The following PLXDC2 variants were observed in gnomAD, a reference collection of about 807,000 sequenced individuals.
PLXDC2 encodes the protein plexin domain containing 2, also known as plexin domain-containing protein 2.
Under a neutral mutation model 68.9 loss-of-function variants are expected in PLXDC2, and 40 were observed. That is an observed-to-expected ratio of 0.58 (90% CI 0.45 to 0.76). PLXDC2 has a LOEUF of 0.76. Among genes scored for constraint, PLXDC2 ranks in the 30% least tolerant of loss-of-function variants. The pLI is 0.00. For synonymous variants in PLXDC2, 243 were observed against 234.2 expected (o/e 1.04, Z -0.34); for missense variants, 644 against 661.9 (o/e 0.97, Z 0.30).
At chr10:19,843,009 T>A (rs1004786834) in intron 1 of PLXDC2, among the ~76,000 whole-genome samples, 1 of 152,186 alleles carries the variant, frequency 6.6e-6, no homozygotes, top group African/African-American at 2.4e-5. Flanking sequence ...AATATATTTT[T>A]ATCCTTTATT....
chr10:19,859,233 C>A (rs1837273732), intron 1 of PLXDC2, among the ~76,000 whole-genome samples: 2 of 151,652 alleles, frequency 1.3e-5, no homozygotes, highest in South Asian at 4.2e-4. Flanking sequence ...CCATGAGATT[C>A]CACAGGGCAA....
chr10:20,200,590 G>GA (rs1834903973), intron 9 of PLXDC2, among the ~76,000 whole-genome samples: 1 of 151,962 alleles, frequency 6.6e-6, no homozygotes, highest in Non-Finnish European at 1.5e-5. Flanking sequence ...AGCAAAGTGA[G>GA]AAAACCTACA....
At chr10:20,087,906 G>A (rs1336636065) in intron 4 of PLXDC2, among the ~76,000 whole-genome samples, 1 of 152,012 alleles carries the variant, frequency 6.6e-6, no homozygotes, top group African/African-American at 2.4e-5. Context: ...TTAATCAAGG[G>A]CACAAAGGAC....
At chr10:19,930,131 T>G (rs1833601448) in intron 1 of PLXDC2, among the ~76,000 whole-genome samples, 2 of 152,172 alleles carry the variant, frequency 1.3e-5, no homozygotes, top group Non-Finnish European at 2.9e-5. Context: ...CCAAATTCCC[T>G]TAATGTCATT....
At chr10:19,882,649 A>G (rs1023943264) in intron 1 of PLXDC2, among the ~76,000 whole-genome samples, 3 of 152,210 alleles carry the variant, frequency 2.0e-5, no homozygotes, top group African/African-American at 7.2e-5. Flanking sequence ...TCGAGGGACA[A>G]ATGTTAAGTT....
intron 1 of PLXDC2, among the ~76,000 whole-genome samples, chr10:19,958,617 C>T (rs1834107655): frequency 1.3e-5 from 2 of 152,092 alleles, no homozygotes; most frequent in South Asian, 2.1e-4. Context: ...AGAATTAATA[C>T]CTCAGAGGTT....
rs77186203 is a variant in PLXDC2 at position 20,218,967 on chromosome 10, C to T, written c.1274-97C>T. On this transcript the variant is annotated intron_variant, in intron 11 of 13. Transcript: ENST00000377252. ...AAATTATCAAAATCTAGTCATGTTC[C>T]GACCAAGGCAGTTAGTAGACAATTA... The T allele has an allele frequency of 1.6e-3, 2,190 of 1,330,568 alleles. 42 individuals carry two copies. The African/African-American group carries it at 0.028, about 17-fold the overall frequency. 82.4% of individuals were successfully genotyped at this position (1,330,568 alleles called of 1,614,324 possible).
intron 1 of PLXDC2, among the ~76,000 whole-genome samples, chr10:19,820,251 T>G (rs371690342): frequency 6.6e-6 from 1 of 152,350 alleles, no homozygotes; most frequent in African/African-American, 2.4e-5. Context: ...AGAATGTATT[T>G]GAATAAAACT....
intron 4 of PLXDC2, among the ~76,000 whole-genome samples, chr10:20,096,460 GA>G (rs549596980): frequency 4.9e-4 from 74 of 152,110 alleles, no homozygotes; most frequent in African/African-American, 1.8e-3. Context: ...GTAGGATGGT[GA>G]TAAAAAGTAA....
At chr10:20,212,321 C>T (rs1295491571) in intron 10 of PLXDC2, among the ~76,000 whole-genome samples, 1 of 152,044 alleles carries the variant, frequency 6.6e-6, no homozygotes, top group Non-Finnish European at 1.5e-5. Context: ...AATTGTATAA[C>T]ATTAGTTGGC....
intron 1 of PLXDC2, among the ~76,000 whole-genome samples, chr10:19,856,200 T>C (rs1359171753): frequency 6.6e-6 from 1 of 152,228 alleles, no homozygotes; most frequent in Admixed American, 6.5e-5. Flanking sequence ...TATTTACTAA[T>C]AGTGTAGAAT....
chr10:20,082,055 AAAAAAAATC>A (rs1252679341), intron 4 of PLXDC2, among the ~76,000 whole-genome samples: 2 of 142,124 alleles, frequency 1.4e-5, no homozygotes, highest in African/African-American at 5.3e-5. Context: ...GAAAAAAAAA[AAAAAAAATC>A]AAAAAAAAAA....
Position 19,817,152 on chromosome 10 carries a change from T to C in PLXDC2, c.73T>C (p.Phe25Leu), listed in dbSNP as rs750660465. 1 of 1,576,060 alleles carries C rather than the reference T, an allele frequency of 6.3e-7. No homozygotes were observed. The highest frequency in any genetic ancestry group is 2.3e-5 in the East Asian group (1 of 42,944). Reference sequence around the variant, plus strand: ...ACTTTGCCACTTCTTCACGGACCAGTTTCAGTTCGCCGATGGGAAACCCGG... The same window carrying C: ...ACTTTGCCACTTCTTCACGGACCAGCTTCAGTTCGCCGATGGGAAACCCGG... ...MLLCHFFTDQ[F>L]QFADGKPGDQ... Residue 25 changes from phenylalanine (F) to leucine (L), a missense_variant, in exon 1 of 14, where the codon TTT becomes CTT. Coordinates refer to ENST00000377252, the MANE Select transcript of PLXDC2 (RefSeq NM_032812.9).
chr10:20,084,864 G>A (rs1426269120), intron 4 of PLXDC2, among the ~76,000 whole-genome samples: 10 of 136,856 alleles, frequency 7.3e-5, no homozygotes, highest in Admixed American at 7.1e-4. Context: ...AGGTGCTCAC[G>A]AAGGCCGTGG....
At chr10:19,976,059 A>G (rs1188547319) in intron 1 of PLXDC2, among the ~76,000 whole-genome samples, 3 of 152,120 alleles carry the variant, frequency 2.0e-5, no homozygotes, top group Non-Finnish European at 4.4e-5. Flanking sequence ...TTGCATCCCT[A>G]AGTGGCCTAT....
chr10:19,949,089 T>C (rs941869597), intron 1 of PLXDC2, among the ~76,000 whole-genome samples: 2 of 119,822 alleles, frequency 1.7e-5, no homozygotes, highest in East Asian at 2.6e-4. Flanking sequence ...ATTGCACCAC[T>C]GCACTCCAGT....
intron 4 of PLXDC2, among the ~76,000 whole-genome samples, chr10:20,106,588 G>C (rs116496875): frequency 2.0e-5 from 3 of 152,092 alleles, no homozygotes; most frequent in African/African-American, 7.2e-5. Flanking sequence ...AGAACAGGAG[G>C]GGGGAGCTGT....
chr10:20,048,772 T>G (rs1232245939), intron 3 of PLXDC2, among the ~76,000 whole-genome samples: 1 of 152,114 alleles, frequency 6.6e-6, no homozygotes, highest in Non-Finnish European at 1.5e-5. Flanking sequence ...GTAAGACAGT[T>G]TGTGTCCTGC....
chr10:19,910,463 G>A (rs1833247150), intron 1 of PLXDC2, among the ~76,000 whole-genome samples: 1 of 151,934 alleles, frequency 6.6e-6, no homozygotes, highest in Admixed American at 6.6e-5. Context: ...CTGAGAGACT[G>A]TGGGATTACG....
Sources: allele counts gnomAD v4.1 joint callset (sites outside exome capture counted in the v4.1 genomes callset), GRCh38; gene constraint gnomAD v4.1.1; transcripts MANE v1.5; gene names NCBI Gene and HGNC (gene_info 2026-07-23, HGNC 2026-07-21).